ALPK3: variants seen among roughly 807,000 people sequenced by gnomAD.
ALPK3 encodes the protein alpha kinase 3.
Under a neutral mutation model 140.0 loss-of-function variants are expected in ALPK3, and 102 were observed. The ratio of observed to expected loss-of-function variants is 0.73; its 90% CI spans 0.62 to 0.86. The LOEUF is 0.86. ALPK3 is among the 40% of genes least tolerant of loss of function. The pLI is 0.00. For missense variants in ALPK3, 2,254 were observed against 2,208.2 expected, an observed-to-expected ratio of 1.02 and a Z score of -0.42; for synonymous variants, 938 against 898.5, an observed-to-expected ratio of 1.04 and a Z score of -0.79.
At chr15:84,831,779 G>A (rs1963547661) in intron 3 of ALPK3, among the ~76,000 whole-genome samples, 1 of 152,156 alleles carries the variant, frequency 6.6e-6, no homozygotes, top group Non-Finnish European at 1.5e-5. Flanking sequence ...CAAGGAGGAG[G>A]GGCCTGAAAA....
chr15:84,865,950 A>G (rs1042233531), intron 12 of ALPK3, among the ~76,000 whole-genome samples: 1 of 152,222 alleles, frequency 6.6e-6, no homozygotes, highest in African/African-American at 2.4e-5. Context: ...CAAAAAAATA[A>G]TAAAGAAAAA....
chr15:84,871,777 C>G lies in ALPK3; in HGVS notation c.*3321C>G, dbSNP rs903450925. The G allele has an allele frequency of 6.6e-5, 10 of 152,364 alleles. No individual in the cohort carries two copies. Among genetic ancestry groups the G allele is most frequent in the African/African-American group, 2.4e-4 (10 of 41,588 alleles). The allele number at this position is 152,364 out of a possible 1,614,324, so 9.4% of individuals were successfully genotyped here. ...CTGCTGCTGGTTTGTGGGTTCCTGA[C>G]AAGATGAGTGAATGCCTGCCCATCA... On this transcript the variant is annotated 3_prime_UTR_variant, in exon 14 of 14. Transcript: ENST00000258888.
chr15:84,856,757 A>G lies in ALPK3; in HGVS notation c.2019A>G (p.Thr673=), dbSNP rs1459396312. Reference sequence around the variant, plus strand: ...GAAGGGCAGAGACACAGCTAGAAACAACACAGGCAGGTGAGAAGATACAGG... The same window carrying G: ...GAAGGGCAGAGACACAGCTAGAAACGACACAGGCAGGTGAGAAGATACAGG... The part of the protein sequence containing the change: ...TQGRAETQLE[T]TQAGEKIQED... The change falls in exon 6 of 14, where the codon ACA becomes ACG. Residue 673 remains threonine, a synonymous_variant. Coordinates refer to ENST00000258888, the MANE Select transcript of ALPK3 (RefSeq NM_020778.5). 4 of 1,614,174 alleles carry G rather than the reference A, an allele frequency of 2.5e-6. No homozygotes were observed. Among genetic ancestry groups the G allele is most frequent in the Non-Finnish European group, 3.4e-6 (4 of 1,180,034 alleles).
In ALPK3 at chr15:84,862,696, C is replaced by T. The variant is rs929049789; in HGVS notation, c.4191C>T (p.Cys1397=). Residue 1397 remains cysteine (C), a synonymous_variant, in exon 10 of 14, where the codon TGC becomes TGT. Transcript: ENST00000258888. ...VFAKGLADSG[C]WGDKLFGRLV... ...CTAAGGGTCTGGCTGACTCTGGCTG[C>T]TGGGGGGACAAGCTCTTTGGGCGAC... is the stretch of plus-strand genomic sequence containing the variant. 58 of 1,614,042 alleles carry T rather than the reference C, an allele frequency of 3.6e-5. No homozygotes were observed. Among genetic ancestry groups the T allele is most frequent in the Non-Finnish European group, 4.7e-5 (56 of 1,180,016 alleles).
chr15:84,859,879 A>G lies in ALPK3; in HGVS notation c.4069A>G (p.Thr1357Ala). 6.2e-7 allele frequency: 1 copy of G among 1,613,990 alleles called. No homozygotes were observed. Among genetic ancestry groups the G allele is most frequent in the East Asian group, 2.2e-5 (1 of 44,880 alleles). Residue 1357 changes from threonine (T) to alanine (A), a missense_variant, in exon 8 of 14, where the codon ACC (threonine) becomes GCC (alanine). By Grantham distance (58) the Thr-to-Ala change is moderately conservative. Around this residue, in one of 3 missense-constraint regions of ALPK3, gnomAD observed 2,088 missense variants for 2,022.9 expected, o/e 1.03. Coordinates refer to ENST00000258888, the MANE Select transcript of ALPK3 (RefSeq NM_020778.5). ...CCACAATGAGCACGGCTCGGCCTCC[A>G]CCGACTTCTGCCTCAGCCCTGAGGG... is the stretch of plus-strand genomic sequence containing the variant. ...TIHNEHGSAS[T>A]DFCLSPEVLS...
At chr15:84,866,670 G>C (rs959120754) in intron 12 of ALPK3, among the ~76,000 whole-genome samples, 4 of 152,208 alleles carry the variant, frequency 2.6e-5, no homozygotes, top group Non-Finnish European at 5.9e-5. Flanking sequence ...GCTTAACCTG[G>C]AAGACCATCT....
chr15:84,859,249 AG>A lies in ALPK3; in HGVS notation c.3826del (p.Val1276Ter). ...RKAKDLLKAP[Q>X]VIRKIRVEQF... is the part of the protein sequence containing the mutation. The stretch of plus-strand genomic sequence containing the variant: ...GACTGGGCCCTGCTCTCAGCCCCAC[AG>A]GTGATCCGGAAGATTCGGGTGGAGC... On this transcript the variant is annotated frameshift_variant, in exon 7 of 14. Coordinates refer to ENST00000258888, the MANE Select transcript of ALPK3 (RefSeq NM_020778.5). LOFTEE classifies it high-confidence loss of function. 1 of 1,614,084 alleles carries A rather than the reference AG, an allele frequency of 6.2e-7. No homozygotes were observed. The highest frequency in any genetic ancestry group is 1.1e-5 in the South Asian group (1 of 91,082).
intron 5 of ALPK3, chr15:84,852,688 C>A (rs557130398): frequency 1.6e-5 from 3 of 183,314 alleles, no homozygotes; most frequent in South Asian, 2.2e-4. Context: ...CCACAGTTAA[C>A]TGAAACCACG....
chr15:84,853,769 CAAA>C (rs113897225), intron 5 of ALPK3, among the ~76,000 whole-genome samples: 2 of 140,738 alleles, frequency 1.4e-5, no homozygotes, highest in Non-Finnish European at 3.1e-5. Flanking sequence ...GAACCTGTCT[CAAA>C]AAAAAAAAAA....
intron 5 of ALPK3, among the ~76,000 whole-genome samples, chr15:84,850,190 A>G (rs1283058827): frequency 6.6e-6 from 1 of 152,086 alleles, no homozygotes; most frequent in Non-Finnish European, 1.5e-5. Flanking sequence ...TTATGCAAAA[A>G]TGACTGCCCT....
At chr15:84,834,763 C>T (rs535634900) in intron 3 of ALPK3, among the ~76,000 whole-genome samples, 4 of 152,352 alleles carry the variant, frequency 2.6e-5, no homozygotes, top group South Asian at 2.1e-4. Context: ...GCTCAAGTGC[C>T]GCCATGGGCT....
rs1052426774 is a variant in ALPK3, at chr15:84,863,727, G to A, written c.4499+87G>A. ...ACAGTGATTTCACAGCCTCCCAGGG[G>A]CATCCTGCGTTATGCCCATGTGCAA... is the stretch of plus-strand genomic sequence containing the variant. On this transcript the variant is annotated intron_variant, in intron 11 of 13. Coordinates refer to ENST00000258888, the MANE Select transcript of ALPK3 (RefSeq NM_020778.5). 6.8e-6 allele frequency: 9 copies of A among 1,331,490 alleles called. No individual in the cohort carries two copies. The African/African-American group carries it at 8.8e-5, about 13-fold the overall frequency. The allele number at this position is 1,331,490 out of a possible 1,614,324, so 82.5% of individuals were successfully genotyped here.
chr15:84,847,166 G>A (rs187954887), intron 5 of ALPK3, among the ~76,000 whole-genome samples: 5 of 148,272 alleles, frequency 3.4e-5, no homozygotes, highest in South Asian at 2.1e-4. Flanking sequence ...GAACACATAC[G>A]CCCATACACG....
rs1162689536 is a variant in ALPK3 at position 84,859,853 on chromosome 15, T to C, written c.4043T>C (p.Ile1348Thr). Reference protein sequence around the residue: ...PVDCGVYRCTIHNEHGSASTD... With the variant: ...PVDCGVYRCTTHNEHGSASTD... ...GACTGCGGTGTGTATCGGTGCACCATCCACAATGAGCACGGCTCGGCCTCC... is the reference window on the plus strand; with the variant it reads ...GACTGCGGTGTGTATCGGTGCACCACCCACAATGAGCACGGCTCGGCCTCC... The change falls in exon 8 of 14, where the codon ATC (isoleucine) becomes ACC (threonine). Residue 1348 changes from isoleucine to threonine, a missense_variant. This residue lies in a region of ALPK3 where 2,088 missense variants were observed against 2,022.9 expected (regional missense o/e 1.03). Coordinates refer to ENST00000258888, the MANE Select transcript of ALPK3 (RefSeq NM_020778.5). 4 of 1,613,958 alleles carry C rather than the reference T, an allele frequency of 2.5e-6. No homozygotes were observed. The highest frequency in any genetic ancestry group is 2.5e-6 in the Non-Finnish European group (3 of 1,180,020).
intron 1 of ALPK3, among the ~76,000 whole-genome samples, chr15:84,820,710 G>A (rs1963412044): frequency 6.6e-6 from 1 of 152,142 alleles, no homozygotes; most frequent in Non-Finnish European, 1.5e-5. Context: ...TTGAACTCCT[G>A]ACCTCAGGTG....
rs372545530 is a variant in ALPK3 at position 84,860,085 on chromosome 15, C to T, written c.4129+13C>T. 1.2e-6 allele frequency: 2 copies of T among 1,613,886 alleles called. No individual in the cohort carries two copies. Among genetic ancestry groups the T allele is most frequent in the Admixed American group, 1.7e-5 (1 of 60,004 alleles). On this transcript the variant is annotated intron_variant, in intron 9 of 13. Transcript: ENST00000258888. Reference sequence around the variant, plus strand: ...GAAGAAGGTGAAGGTATGGTTCCCCCCTGGGGAAGGCGGGGTGGTCCTACC... The same window carrying T: ...GAAGAAGGTGAAGGTATGGTTCCCCTCTGGGGAAGGCGGGGTGGTCCTACC...
At chr15:84,828,508 G>A (rs1443809252) in intron 3 of ALPK3, among the ~76,000 whole-genome samples, 3 of 152,154 alleles carry the variant, frequency 2.0e-5, no homozygotes, top group Non-Finnish European at 4.4e-5. Context: ...TCCCTCTGGA[G>A]AGCCTGTTGT....
intron 5 of ALPK3, among the ~76,000 whole-genome samples, chr15:84,842,330 A>G: frequency 6.6e-6 from 1 of 152,228 alleles, no homozygotes. Context: ...CGCCGTGCCC[A>G]GCCCAGTATT....
In ALPK3 at chr15:84,860,015, TTTC is replaced by T. The variant is rs1245423549; in HGVS notation, c.4094-16_4094-14del. Reference sequence around the variant, plus strand: ...TGGCACAGCAGCCTGAAGGCACTGCTTTCTTCTTTTTCTGTATCTAGTGTTGTC... The same window carrying T: ...TGGCACAGCAGCCTGAAGGCACTGCTTTCTTTTTCTGTATCTAGTGTTGTC... On this transcript the variant is annotated intron_variant, in intron 8 of 13. Transcript: ENST00000258888. 1 of 1,614,084 alleles carries T rather than the reference TTTC, an allele frequency of 6.2e-7. No homozygotes were observed. The highest frequency in any genetic ancestry group is 8.5e-7 in the Non-Finnish European group (1 of 1,180,006).
Sources: gnomAD v4.1 joint callset for allele counts (sites outside exome capture counted in the v4.1 genomes callset) on GRCh38, gnomAD v4.1.1 for gene constraint, gnomAD v4.1.1 regional missense constraint, MANE v1.5 for transcripts, NCBI Gene and HGNC (gene_info 2026-07-23, HGNC 2026-07-21) for gene names.